Variants in CNTNAP2 observed in about 807,000 individuals in gnomAD.
CNTNAP2 encodes contactin-associated protein-like 2.
In CNTNAP2, 98 loss-of-function variants were observed where a neutral mutation model predicts 155.2. The observed-to-expected ratio is 0.63, with a 90% CI of 0.54 to 0.75. CNTNAP2 has a LOEUF of 0.75. Ranked by LOEUF, CNTNAP2 falls within the 30% of genes least tolerant of loss-of-function variation. CNTNAP2 has a pLI of 0.00. For synonymous variants in CNTNAP2, 651 were observed against 631.2 expected (o/e 1.03, Z -0.47); for missense variants, 1,727 against 1,688.1 (o/e 1.02, Z -0.40).
At chr7:148,047,595 A>C (rs1320165795) in intron 15 of CNTNAP2, among the ~76,000 whole-genome samples, 1 of 152,218 alleles carries the variant, frequency 6.6e-6, no homozygotes, top group Non-Finnish European at 1.5e-5. Flanking sequence ...TAGGCTGTGA[A>C]AAAGACATTT....
intron 2 of CNTNAP2, among the ~76,000 whole-genome samples, chr7:146,821,846 A>T (rs1469632884): frequency 4.4e-4 from 66 of 151,694 alleles, no homozygotes; most frequent in African/African-American, 1.6e-3. Flanking sequence ...GGATGTGGAG[A>T]AATAGGAACA....
intron 8 of CNTNAP2, among the ~76,000 whole-genome samples, chr7:147,204,013 T>G (rs1802972440): frequency 6.6e-6 from 1 of 152,018 alleles, no homozygotes; most frequent in Admixed American, 6.6e-5. Context: ...AAAGGTTGTG[T>G]CATAAGAGTG....
At chr7:146,214,646 T>C (rs1421027601) in intron 1 of CNTNAP2, among the ~76,000 whole-genome samples, 1 of 152,208 alleles carries the variant, frequency 6.6e-6, no homozygotes, top group Non-Finnish European at 1.5e-5. Context: ...AATGAGTCAT[T>C]AAATGTATTG....
intron 21 of CNTNAP2, among the ~76,000 whole-genome samples, chr7:148,348,053 AGTTT>A (rs1282464021): frequency 3.9e-5 from 6 of 152,202 alleles, no homozygotes; most frequent in Admixed American, 3.3e-4. Flanking sequence ...TTTATCTGAA[AGTTT>A]GTTTGTTTTT....
At chr7:147,115,340 A>G (rs1387028799) in intron 5 of CNTNAP2, among the ~76,000 whole-genome samples, 1 of 152,084 alleles carries the variant, frequency 6.6e-6, no homozygotes, top group East Asian at 1.9e-4. Context: ...GGTTCTCTGC[A>G]TTTCCTGAAT....
In CNTNAP2 at chr7:146,875,507, C is replaced by T. The variant is rs145039873; in HGVS notation, c.402+35603C>T. ...AAAGTGCTTTGCCAGTTTTAAAACA[C>T]GAAACTGTCTTTCTCAAAAGACCTG... is the stretch of plus-strand genomic sequence containing the variant. On this transcript the variant is annotated intron_variant, in intron 3 of 23. Coordinates refer to ENST00000361727, the MANE Select transcript of CNTNAP2 (RefSeq NM_014141.6). Among the ~76,000 whole-genome samples the T allele has an allele frequency of 5.0e-4, 76 of 152,152 alleles. 2 individuals are homozygous for T. Among genetic ancestry groups the T allele is most frequent in the South Asian group, 6.2e-4 (3 of 4,826 alleles).
At chr7:147,556,922 C>A (rs77405821) in intron 11 of CNTNAP2, among the ~76,000 whole-genome samples, 2 of 152,200 alleles carry the variant, frequency 1.3e-5, no homozygotes, top group Non-Finnish European at 2.9e-5. Flanking sequence ...AATACACAGA[C>A]AACATTCATT....
intron 1 of CNTNAP2, among the ~76,000 whole-genome samples, chr7:146,735,332 G>A (rs1585065576): frequency 6.6e-6 from 1 of 152,054 alleles, no homozygotes; most frequent in East Asian, 1.9e-4. Context: ...ACGGGCAGAT[G>A]ACGAGGTCAG....
chr7:146,533,745 A>G (rs1376638721), intron 1 of CNTNAP2, among the ~76,000 whole-genome samples: 1 of 152,062 alleles, frequency 6.6e-6, no homozygotes, highest in African/African-American at 2.4e-5. Flanking sequence ...CATTGCTGTT[A>G]TGATTCCAAG....
intron 3 of CNTNAP2, among the ~76,000 whole-genome samples, chr7:146,893,730 G>C (rs991782985): frequency 3.9e-5 from 6 of 152,060 alleles, no homozygotes; most frequent in Admixed American, 2.6e-4. Context: ...AGTCTTCAAG[G>C]AATCCAGCCA....
intron 1 of CNTNAP2, among the ~76,000 whole-genome samples, chr7:146,699,425 T>C (rs1170680339): frequency 1.3e-5 from 2 of 152,058 alleles, no homozygotes; most frequent in African/African-American, 2.4e-5. Context: ...GATGTGGTGA[T>C]AGGGTGTGAG....
At chr7:146,496,064 T>C (rs1797210627) in intron 1 of CNTNAP2, among the ~76,000 whole-genome samples, 1 of 152,128 alleles carries the variant, frequency 6.6e-6, no homozygotes, top group South Asian at 2.1e-4. Context: ...CAAAAAAGTG[T>C]GAATGCTCTG....
chr7:147,175,878 C>T (rs778540598), intron 8 of CNTNAP2, among the ~76,000 whole-genome samples: 7 of 152,144 alleles, frequency 4.6e-5, no homozygotes, highest in Admixed American at 1.3e-4. Flanking sequence ...CATCAATTTG[C>T]GAACCTTTAT....
At chr7:146,226,450 G>T (rs1799294383) in intron 1 of CNTNAP2, among the ~76,000 whole-genome samples, 1 of 152,074 alleles carries the variant, frequency 6.6e-6, no homozygotes, top group Admixed American at 6.6e-5. Flanking sequence ...GTTGAGCCCA[G>T]GAGTTCAAGA....
chr7:146,543,868 T>C (rs1408686917), intron 1 of CNTNAP2, among the ~76,000 whole-genome samples: 2 of 151,916 alleles, frequency 1.3e-5, no homozygotes, highest in Non-Finnish European at 2.9e-5. Context: ...GTCTTTAGAT[T>C]CTTACTTATT....
At chr7:147,466,543 A>G (rs1000459218) in intron 10 of CNTNAP2, among the ~76,000 whole-genome samples, 1 of 152,174 alleles carries the variant, frequency 6.6e-6, no homozygotes, top group Non-Finnish European at 1.5e-5. Flanking sequence ...GGAAAAGTAC[A>G]GAGAAAATCT....
intron 22 of CNTNAP2, among the ~76,000 whole-genome samples, chr7:148,401,860 A>C (rs145054452): frequency 1.7e-3 from 258 of 152,296 alleles, no homozygotes; most frequent in African/African-American, 5.9e-3. Context: ...AGCCTCCCAA[A>C]GTGCTAGGAT....
intron 13 of CNTNAP2, among the ~76,000 whole-genome samples, chr7:147,651,456 G>A (rs754093877): frequency 2.0e-5 from 3 of 152,168 alleles, no homozygotes; most frequent in Admixed American, 1.3e-4. Flanking sequence ...AGATAAAACC[G>A]ACCATCACAG....
intron 6 of CNTNAP2, among the ~76,000 whole-genome samples, chr7:147,125,749 C>G (rs551390689): frequency 6.6e-6 from 1 of 152,120 alleles, no homozygotes; most frequent in Non-Finnish European, 1.5e-5. Flanking sequence ...TCATATTCCC[C>G]TTTGATGAAA....
Sources: allele counts gnomAD v4.1 joint callset (sites outside exome capture counted in the v4.1 genomes callset), GRCh38; gene constraint gnomAD v4.1.1; transcripts MANE v1.5; gene names NCBI Gene and HGNC (gene_info 2026-07-23, HGNC 2026-07-21).